Variants in CDK14 observed in about 807,000 individuals in gnomAD.
CDK14 encodes the protein cyclin dependent kinase 14.
CDK14 carries 34 observed loss-of-function variants against 60.7 expected under a neutral mutation model. The observed-to-expected ratio is 0.56, with a 90% CI of 0.43 to 0.75. The LOEUF (loss-of-function observed/expected upper bound fraction) is 0.75, where lower values mean the gene tolerates loss of function less well. CDK14 is among the 30% of genes least tolerant of loss of function. The pLI, the probability that CDK14 is intolerant of heterozygous loss-of-function variation, is 0.00. For missense variants in CDK14, 482 were observed against 564.1 expected, an observed-to-expected ratio of 0.85 and a Z score of 1.47; for synonymous variants, 197 against 203.7, an observed-to-expected ratio of 0.97 and a Z score of 0.28.
chr7:91,125,973 T>C (rs76600967), intron 14 of CDK14, among the ~76,000 whole-genome samples: 5,309 of 152,296 alleles, frequency 0.035, 221 homozygotes, highest in East Asian at 0.12. Flanking sequence ...GGGAAAGATG[T>C]GTGATTATAA....
chr7:90,961,367 A>G (rs1794599538), intron 9 of CDK14, among the ~76,000 whole-genome samples: 1 of 152,170 alleles, frequency 6.6e-6, no homozygotes, highest in Admixed American at 6.5e-5. Context: ...TTTTAAAAAA[A>G]ATAAACCAAG....
intron 2 of CDK14, among the ~76,000 whole-genome samples, chr7:90,696,502 G>A (rs1801663059): frequency 6.6e-6 from 1 of 151,894 alleles, no homozygotes; most frequent in Admixed American, 6.6e-5. Context: ...CACCATGCCT[G>A]GTTAATTTTT....
chr7:90,790,850 T>C (rs1805803722), intron 5 of CDK14, among the ~76,000 whole-genome samples, 198 bp downstream of exon 5: 1 of 152,222 alleles, frequency 6.6e-6, no homozygotes, highest in Non-Finnish European at 1.5e-5. Flanking sequence ...GATTATCTGC[T>C]GTGTGCTCAG....
At chr7:91,098,040 G>A (rs1799047138) in intron 12 of CDK14, among the ~76,000 whole-genome samples, 1 of 152,146 alleles carries the variant, frequency 6.6e-6, no homozygotes, top group South Asian at 2.1e-4. Flanking sequence ...GAGGGATTCT[G>A]ACATTTCTTT....
chr7:91,008,127 C>CAAAAAAAAAAAAAAAAA lies in CDK14; in HGVS notation c.1041+23888_1041+23904dup, dbSNP rs56082719. Among the ~76,000 whole-genome samples, 8 of 62,590 alleles carry CAAAAAAAAAAAAAAAAA rather than the reference C, an allele frequency of 1.3e-4. 1 individual carries two copies. The highest frequency in any genetic ancestry group is 6.4e-4 in the South Asian group (1 of 1,574). 41.1% of individuals were successfully genotyped at this position (62,590 alleles called of 152,430 possible). A position where few individuals can be genotyped will look rare whatever the true frequency, so the allele number is the denominator to read the frequency against. On this transcript the variant is annotated intron_variant, in intron 10 of 14. Transcript: ENST00000380050. Reference sequence around the variant, plus strand: ...ATGGGAGCCAGTGCCGGGAGAAGGCCAAAAAAAAAAAAAAAAAACAAACAA... The same window carrying CAAAAAAAAAAAAAAAAA: ...ATGGGAGCCAGTGCCGGGAGAAGGCCAAAAAAAAAAAAAAAAAAAAAAAAAAAAAAAAAAACAAACAA...
At chr7:90,670,455 G>A (rs981147691) in intron 2 of CDK14, among the ~76,000 whole-genome samples, 5 of 152,106 alleles carry the variant, frequency 3.3e-5, no homozygotes, top group Non-Finnish European at 7.4e-5. Flanking sequence ...GACTATTCTT[G>A]CATTGCTATA....
chr7:90,740,270 T>G (rs1557652), intron 3 of CDK14, among the ~76,000 whole-genome samples: 88,270 of 139,912 alleles, frequency 0.63, 26,763 homozygotes, highest in South Asian at 0.72. Context: ...TATATATATA[T>G]AGAGAGAGAG....
intron 9 of CDK14, among the ~76,000 whole-genome samples, chr7:90,975,992 A>G (rs1425377886): frequency 6.6e-6 from 1 of 152,166 alleles, no homozygotes; most frequent in African/African-American, 2.4e-5. Flanking sequence ...ATAGTTCTGC[A>G]GTGAACATGG....
chr7:91,075,361 A>G (rs1321833215), intron 11 of CDK14, among the ~76,000 whole-genome samples: 1 of 152,204 alleles, frequency 6.6e-6, no homozygotes, highest in African/African-American at 2.4e-5. Flanking sequence ...GAACCAATGA[A>G]AAAAACCACA....
At chr7:90,687,937 A>G (rs1801473203) in intron 2 of CDK14, among the ~76,000 whole-genome samples, 1 of 152,192 alleles carries the variant, frequency 6.6e-6, no homozygotes, top group Non-Finnish European at 1.5e-5. Context: ...GAAAGTGTTG[A>G]TAACTGCTGA....
chr7:90,686,660 G>A (rs1013405316), intron 2 of CDK14, among the ~76,000 whole-genome samples: 4 of 152,094 alleles, frequency 2.6e-5, no homozygotes, highest in African/African-American at 7.2e-5. Context: ...TCAACTAAAT[G>A]AATTAACCAG....
chr7:91,150,449 G>A (rs43023), intron 14 of CDK14, among the ~76,000 whole-genome samples: 50,865 of 151,588 alleles, frequency 0.34, 10,743 homozygotes, highest in Non-Finnish European at 0.48. Context: ...TTCCAGATTG[G>A]TCTAAAAGGA....
At chr7:91,088,782 CTTAAA>C (rs1174978281) in intron 12 of CDK14, among the ~76,000 whole-genome samples, 1 of 152,144 alleles carries the variant, frequency 6.6e-6, no homozygotes, top group East Asian at 1.9e-4. Context: ...GAGAACTTCC[CTTAAA>C]TTATTCAAAT....
At chr7:90,821,717 G>A (rs765136069) in intron 5 of CDK14, among the ~76,000 whole-genome samples, 21 of 152,162 alleles carry the variant, frequency 1.4e-4, no homozygotes, top group Non-Finnish European at 2.6e-4. Flanking sequence ...GGGACCTTTG[G>A]TGTATTCCCT....
chr7:90,596,752 C>G lies in CDK14; in HGVS notation c.91+34C>G, dbSNP rs748981371. The G allele has an allele frequency of 3.8e-6, 6 of 1,559,062 alleles. No homozygotes were observed. The African/African-American group carries it at 8.1e-5, about 21-fold the overall frequency. ...CGCGCTGCCCCCGGCCCCCCCAGCGCCCGCTCCCCTCGGCCTGCGCCCCCG... is the reference window on the plus strand; with the variant it reads ...CGCGCTGCCCCCGGCCCCCCCAGCGGCCGCTCCCCTCGGCCTGCGCCCCCG... On this transcript the variant is annotated intron_variant, in intron 1 of 14. Transcript: ENST00000380050.
At chr7:90,943,970 T>C (rs143926861) in intron 8 of CDK14, among the ~76,000 whole-genome samples, 2 of 152,320 alleles carry the variant, frequency 1.3e-5, no homozygotes, top group African/African-American at 4.8e-5. Flanking sequence ...AGGACTGGGT[T>C]AATCCTCACA....
At chr7:90,721,661 G>A (rs916236986) in intron 2 of CDK14, among the ~76,000 whole-genome samples, 1 of 152,116 alleles carries the variant, frequency 6.6e-6, no homozygotes, top group Non-Finnish European at 1.5e-5. Flanking sequence ...CTGGAGAACT[G>A]GAACATAGGC....
At chr7:90,683,197 G>A (rs771408152) in intron 2 of CDK14, among the ~76,000 whole-genome samples, 9 of 152,026 alleles carry the variant, frequency 5.9e-5, no homozygotes, top group African/African-American at 1.7e-4. Context: ...GCCTTCTCAC[G>A]TGCAAGATCC....
At chr7:91,104,366 T>A (rs1034222500) in intron 12 of CDK14, among the ~76,000 whole-genome samples, 1 of 152,172 alleles carries the variant, frequency 6.6e-6, no homozygotes, top group African/African-American at 2.4e-5. Flanking sequence ...GGGAATCCCC[T>A]CAAGACAAGG....
Sources: gnomAD v4.1 joint callset for allele counts (sites outside exome capture counted in the v4.1 genomes callset) on GRCh38, gnomAD v4.1.1 for gene constraint, MANE v1.5 for transcripts, NCBI Gene and HGNC (gene_info 2026-07-23, HGNC 2026-07-21) for gene names.